The following GRM1 variants were observed in gnomAD, a reference collection of about 807,000 sequenced individuals.
GRM1 encodes metabotropic glutamate receptor 1.
Under a neutral mutation model 90.9 loss-of-function variants are expected in GRM1, and 33 were observed. The ratio of observed to expected loss-of-function variants is 0.36; its 90% CI spans 0.28 to 0.49. The LOEUF (loss-of-function observed/expected upper bound fraction) is 0.49. GRM1 is among the 20% of genes least tolerant of loss of function. The pLI is 0.99. For missense variants in GRM1, 1,190 were observed against 1,534.3 expected (o/e 0.78, Z 3.75); for synonymous variants, 700 against 613.2 (o/e 1.14, Z -2.09).
rs139492395 is a variant in GRM1 at position 146,325,981 on chromosome 6, G to A, written c.1186+21135G>A. The stretch of plus-strand genomic sequence containing the variant: ...GAGTTTTTAAAACCATGTCCTTAGC[G>A]CCAGGTTTGGTTTGTAAGTAAGCAC... On this transcript the variant is annotated intron_variant, in intron 3 of 7. Coordinates refer to ENST00000282753, the MANE Select transcript of GRM1 (RefSeq NM_001278064.2). 2.5e-3 allele frequency among the ~76,000 whole-genome samples: 387 copies of A among 152,178 alleles called. 3 individuals are homozygous for A. The highest frequency in any genetic ancestry group is 7.9e-3 in the African/African-American group (329 of 41,526).
At chr6:146,199,351 C>G (rs932683081) in intron 2 of GRM1, among the ~76,000 whole-genome samples, 1 of 152,196 alleles carries the variant, frequency 6.6e-6, no homozygotes, top group African/African-American at 2.4e-5. Flanking sequence ...CTTCTAAGAG[C>G]TACCCTAAAG....
At chr6:146,221,292 C>A (rs1186136320) in intron 2 of GRM1, among the ~76,000 whole-genome samples, 1 of 152,084 alleles carries the variant, frequency 6.6e-6, no homozygotes, top group Non-Finnish European at 1.5e-5. Flanking sequence ...GCTGCACTCA[C>A]CAACCAATCC....
intron 1 of GRM1, among the ~76,000 whole-genome samples, chr6:146,101,069 A>G (rs1388762885): frequency 3.3e-5 from 5 of 152,190 alleles, no homozygotes; most frequent in African/African-American, 1.2e-4. Flanking sequence ...TTCTAGCCTG[A>G]ATGACAAAGT....
At chr6:146,356,840 C>G (rs1785602703) in intron 4 of GRM1, among the ~76,000 whole-genome samples, 1 of 152,018 alleles carries the variant, frequency 6.6e-6, no homozygotes, top group Non-Finnish European at 1.5e-5. Flanking sequence ...TTTTGATATA[C>G]TGTATGTATA....
intron 2 of GRM1, among the ~76,000 whole-genome samples, chr6:146,268,525 A>G (rs994075232): frequency 3.3e-5 from 5 of 152,198 alleles, no homozygotes; most frequent in Non-Finnish European, 4.4e-5. Context: ...TGCCAGTCAC[A>G]TGCTTGATAG....
At chr6:146,283,620 A>G (rs1782659317) in intron 2 of GRM1, among the ~76,000 whole-genome samples, 1 of 152,168 alleles carries the variant, frequency 6.6e-6, no homozygotes, top group African/African-American at 2.4e-5. Flanking sequence ...AAATGATAAT[A>G]CCTCATATTT....
chr6:146,278,423 A>C (rs1030115806), intron 2 of GRM1, among the ~76,000 whole-genome samples: 1 of 152,140 alleles, frequency 6.6e-6, no homozygotes, highest in African/African-American at 2.4e-5. Flanking sequence ...TTCACCCTTA[A>C]TGACATGTTA....
intron 2 of GRM1, among the ~76,000 whole-genome samples, chr6:146,254,114 A>G (rs543319051): frequency 5.3e-5 from 8 of 152,324 alleles, no homozygotes; most frequent in African/African-American, 1.9e-4. Flanking sequence ...GAAGGAAATC[A>G]GGACTTAAAT....
chr6:146,164,456 T>C (rs1157614417), intron 2 of GRM1, among the ~76,000 whole-genome samples: 2 of 152,270 alleles, frequency 1.3e-5, no homozygotes, highest in Admixed American at 6.5e-5. Context: ...AAAAGCTTGA[T>C]AGCTAGTAGA....
intron 1 of GRM1, among the ~76,000 whole-genome samples, chr6:146,043,782 GATATATATATATATATAT>G (rs3064997): frequency 3.1e-4 from 28 of 89,984 alleles, no homozygotes; most frequent in Non-Finnish European, 5.3e-4. Flanking sequence ...AGAGTCAGGT[GATATATATATATATATAT>G]ATATATATAT....
chr6:146,244,477 T>C (rs536605905), intron 2 of GRM1, among the ~76,000 whole-genome samples: 1 of 152,260 alleles, frequency 6.6e-6, no homozygotes, highest in South Asian at 2.1e-4. Flanking sequence ...TGTCTAGGTG[T>C]TTGGCAGAGG....
chr6:146,041,036 T>C (rs1163268746), intron 1 of GRM1, among the ~76,000 whole-genome samples: 1 of 152,000 alleles, frequency 6.6e-6, no homozygotes, highest in African/African-American at 2.4e-5. Flanking sequence ...GTTTTAACCC[T>C]CTGATGCATT....
chr6:146,315,816 GA>G (rs1271413353), intron 3 of GRM1, among the ~76,000 whole-genome samples: 1 of 152,144 alleles, frequency 6.6e-6, no homozygotes, highest in Non-Finnish European at 1.5e-5. Flanking sequence ...TAGCTAATGA[GA>G]TTTTAGTAAT....
At chr6:146,426,207 G>A (rs143412976) in intron 7 of GRM1, among the ~76,000 whole-genome samples, 1 of 152,238 alleles carries the variant, frequency 6.6e-6, no homozygotes, top group African/African-American at 2.4e-5. Flanking sequence ...GTAGAGGGTG[G>A]GAAGAATCAG....
At chr6:146,106,483 AT>A (rs541370703) in intron 1 of GRM1, among the ~76,000 whole-genome samples, 185 of 152,320 alleles carry the variant, frequency 1.2e-3, no homozygotes, top group African/African-American at 4.0e-3. Context: ...AGTTGCCCCT[AT>A]GCTTATAGGA....
intron 2 of GRM1, among the ~76,000 whole-genome samples, chr6:146,206,818 A>T (rs1779512046): frequency 6.6e-6 from 1 of 151,992 alleles, no homozygotes; most frequent in Non-Finnish European, 1.5e-5. Flanking sequence ...TCTCCACTAG[A>T]GTAGACCCCA....
At chr6:146,289,056 T>A (rs1296621435) in intron 2 of GRM1, among the ~76,000 whole-genome samples, 1 of 152,206 alleles carries the variant, frequency 6.6e-6, no homozygotes, top group Non-Finnish European at 1.5e-5. Context: ...TGTTTCTTGT[T>A]TATATATTTA....
chr6:146,436,024 C>T lies in GRM1; in HGVS notation c.*1228C>T, dbSNP rs978856464. 6.6e-6 allele frequency: 1 copy of T among 152,552 alleles called. No homozygotes were observed. Among genetic ancestry groups the T allele is most frequent in the African/African-American group, 2.4e-5 (1 of 41,414 alleles). 9.4% of individuals were successfully genotyped at this position (152,552 alleles called of 1,614,324 possible). On this transcript the variant is annotated 3_prime_UTR_variant, in exon 8 of 8. Transcript: ENST00000282753. Reference sequence around the variant, plus strand: ...CTAGCGAGTGAATGTGTTCCTGTGTCCTTGTATATGTGCGATCGTAAAATT... The same window carrying T: ...CTAGCGAGTGAATGTGTTCCTGTGTTCTTGTATATGTGCGATCGTAAAATT...
chr6:146,050,527 A>G (rs1791487527), intron 1 of GRM1, among the ~76,000 whole-genome samples: 1 of 152,120 alleles, frequency 6.6e-6, no homozygotes, highest in South Asian at 2.1e-4. Context: ...TTCTATAATT[A>G]AAAGAAACAA....
Sources: allele counts gnomAD v4.1 joint callset (sites outside exome capture counted in the v4.1 genomes callset), GRCh38; gene constraint gnomAD v4.1.1; transcripts MANE v1.5; gene names NCBI Gene and HGNC (gene_info 2026-07-23, HGNC 2026-07-21).